GBP1: variants seen among roughly 807,000 people sequenced by gnomAD.
GBP1 encodes the protein guanylate-binding protein 1.
GBP1 carries 64 observed loss-of-function variants against 69.5 expected under a neutral mutation model. That is an observed-to-expected ratio of 0.92 (90% CI 0.75 to 1.13). The LOEUF (loss-of-function observed/expected upper bound fraction) is 1.13, where lower values mean the gene tolerates loss of function less well. Among genes scored for constraint, GBP1 ranks in the 50% most tolerant of loss-of-function variants. The pLI, the probability that GBP1 is intolerant of heterozygous loss-of-function variation, is 0.00. For synonymous variants in GBP1, 250 were observed against 261.2 expected, an observed-to-expected ratio of 0.96 and a Z score of 0.41; for missense variants, 630 against 704.1, an observed-to-expected ratio of 0.89 and a Z score of 1.19.
chr1:89,062,356 A>G (rs1680221860), intron 2 of GBP1, among the ~76,000 whole-genome samples: 2 of 152,350 alleles, frequency 1.3e-5, no homozygotes, highest in South Asian at 4.1e-4. Context: ...ATGCTAACAC[A>G]CTGATGAACC....
intron 6 of GBP1, 135 bp downstream of exon 6, chr1:89,057,857 A>C: frequency 2.0e-6 from 2 of 1,013,974 alleles, no homozygotes; most frequent in Non-Finnish European, 2.9e-6. Flanking sequence ...TATATGTTAG[A>C]AACATTGGTG....
chr1:89,054,576 G>A, intron 10 of GBP1, 106 bp downstream of exon 10: 1 of 1,008,018 alleles, frequency 9.9e-7, no homozygotes, highest in Admixed American at 2.1e-5. Context: ...AGCAAGCAGG[G>A]TCCTTACCCT....
chr1:89,053,182 C>CT lies in GBP1; in HGVS notation c.*172dup, dbSNP rs369775165. The CT allele has an allele frequency of 0.037, 15,365 of 419,132 alleles. 3 individuals are homozygous for CT. The highest frequency in any genetic ancestry group is 0.053 in the Middle Eastern group (82 of 1,542). The allele number at this position is 419,132 out of a possible 1,614,324, so 26.0% of individuals were successfully genotyped here. On this transcript the variant is annotated 3_prime_UTR_variant, in exon 11 of 11. Coordinates refer to ENST00000370473, the MANE Select transcript of GBP1 (RefSeq NM_002053.3). Reference sequence around the variant, plus strand: ...GCATCTTTGTTGCACAATTTACAGTCTTTTTTTTTTTTTAAGAAAAAACAT... The same window carrying CT: ...GCATCTTTGTTGCACAATTTACAGTCTTTTTTTTTTTTTTAAGAAAAAACAT...
In GBP1 at chr1:89,058,867, AG is replaced by A; in HGVS notation, c.604del (p.Leu202Ter). The A allele has an allele frequency of 6.2e-7, 1 of 1,614,210 alleles. No individual in the cohort carries two copies. The highest frequency in any genetic ancestry group is 8.5e-7 in the Non-Finnish European group (1 of 1,180,022). On this transcript the variant is annotated frameshift_variant, in exon 5 of 11. Transcript: ENST00000370473. LOFTEE classifies it high-confidence loss of function. ...TTTCTTCAGCTTCAGGGAGTATGTC[AG>A]GTACTCATCTGGTGTGAGGGGTTGT... ...DGQPLTPDEY[L>X]TYSLKLKKGT...
At chr1:89,057,886 A>G (rs1330663554) in intron 6 of GBP1, 106 bp downstream of exon 6, 11 of 1,213,234 alleles carry the variant, frequency 9.1e-6, no homozygotes, top group African/African-American at 1.5e-5. Context: ...AATTTAACAC[A>G]AATATAGCAG....
At position 89,058,596 on chromosome 1, in the gene GBP1, G is replaced by A. The variant is rs142536748; in HGVS notation, c.631+245C>T. 2.7e-4 allele frequency: 155 copies of A among 577,164 alleles called. No homozygotes were observed. The East Asian group carries it at 4.6e-3, about 17-fold the overall frequency. The allele number at this position is 577,164 out of a possible 1,614,324, so 35.8% of individuals were successfully genotyped here. ...GAAGATCACAAACCCTAGGCAGGGA[G>A]ATAAAATTAACCTAATCACAGCATA... On this transcript the variant is annotated intron_variant, in intron 5 of 10. Transcript: ENST00000370473.
chr1:89,064,289 A>C (rs1487637912), intron 1 of GBP1, among the ~76,000 whole-genome samples: 1 of 149,740 alleles, frequency 6.7e-6, no homozygotes, highest in Non-Finnish European at 1.5e-5. Context: ...CTGTCAGACC[A>C]GAGGTGATGA....
intron 6 of GBP1, 68 bp from the exon 7 acceptor site, chr1:89,057,202 G>C (rs1173111829): frequency 3.8e-6 from 6 of 1,589,836 alleles, no homozygotes; most frequent in Non-Finnish European, 5.2e-6. Flanking sequence ...GTAATTCTGA[G>C]CATGTCAAAT....
At chr1:89,062,442 G>C (rs532890916) in intron 2 of GBP1, among the ~76,000 whole-genome samples, 3 of 152,202 alleles carry the variant, frequency 2.0e-5, no homozygotes, top group Non-Finnish European at 4.4e-5. Flanking sequence ...TAAGGTTTCT[G>C]TAGTAGTCAA....
At chr1:89,062,147 C>T (rs1273101469) in intron 2 of GBP1, among the ~76,000 whole-genome samples, 1 of 152,168 alleles carries the variant, frequency 6.6e-6, no homozygotes, top group African/African-American at 2.4e-5. Context: ...CATGAGCCAG[C>T]AATTCCCCTT....
intron 7 of GBP1, 57 bp from the exon 8 acceptor site, chr1:89,056,285 C>T: frequency 6.2e-7 from 1 of 1,612,524 alleles, no homozygotes; most frequent in Non-Finnish European, 8.5e-7. Flanking sequence ...TTAGCTTGAC[C>T]TCAGAATTTT....
chr1:89,053,304 A>G lies in GBP1; in HGVS notation c.*51T>C, dbSNP rs774039770. On this transcript the variant is annotated 3_prime_UTR_variant, in exon 11 of 11. Coordinates refer to ENST00000370473, the MANE Select transcript of GBP1 (RefSeq NM_002053.3). ...TGTAGTGACGCTTGTTCCAAATTCT[A>G]AAATTGTTTCAATTATGCCTTGGTT... 1.7e-4 allele frequency: 243 copies of G among 1,442,552 alleles called. 8 individuals are homozygous for G. In the South Asian group the frequency reaches 1.7e-3, roughly 10 times the overall value. The allele number at this position is 1,442,552 out of a possible 1,614,324, so 89.4% of individuals were successfully genotyped here.
intron 5 of GBP1, 42 bp downstream of exon 5, chr1:89,058,799 G>C: frequency 6.3e-7 from 1 of 1,591,236 alleles, no homozygotes. Flanking sequence ...ATAATTTCTT[G>C]TGTTTTCTCA....
chr1:89,053,195 T>G lies in GBP1; in HGVS notation c.*160A>C, dbSNP rs918249866. 1.6e-5 allele frequency: 8 copies of G among 506,428 alleles called. No individual in the cohort carries two copies. The highest frequency in any genetic ancestry group is 2.4e-5 in the Non-Finnish European group (7 of 292,126). The allele number at this position is 506,428 out of a possible 1,614,324, so 31.4% of individuals were successfully genotyped here. A position where few individuals can be genotyped will look rare whatever the true frequency, so the allele number is the denominator to read the frequency against. On this transcript the variant is annotated 3_prime_UTR_variant, in exon 11 of 11. Transcript: ENST00000370473. ...ACAATTTACAGTCTTTTTTTTTTTT[T>G]AAGAAAAAACATGATTTTGATCATT...
Position 89,060,177 on chromosome 1 carries a change from A to G in GBP1, c.318+20T>C, listed in dbSNP as rs762412339. ...TCAGAGAGGAGGGGCTTACTCCACA[A>G]CTGGATCCTTGAGTCTCACCTTCTC... On this transcript the variant is annotated intron_variant, in intron 3 of 10. Transcript: ENST00000370473. 89 of 1,583,062 alleles carry G rather than the reference A, an allele frequency of 5.6e-5. No individual in the cohort carries two copies. Among genetic ancestry groups the G allele is most frequent in the Non-Finnish European group, 7.1e-5 (83 of 1,168,384 alleles).
rs1345912182 is a variant in GBP1, at chr1:89,055,144, C to A, written c.1440G>T (p.Gln480His). 1 of 1,611,624 alleles carries A rather than the reference C, an allele frequency of 6.2e-7. No homozygotes were observed. Residue 480 changes from glutamine to histidine, a missense_variant, in exon 9 of 11, where the codon CAG (glutamine) becomes CAT (histidine). Around this residue, in one of 5 missense-constraint regions of GBP1, gnomAD observed 35 missense variants for 68.6 expected, o/e 0.51. Transcript: ENST00000370473. ...TCTCCTTTTCTTTTTCTGTGAGAGT[C>A]TGGTCTGTCTGGAGAATTGCATCAG... ...SMTDAILQTD[Q>H]TLTEKEKEIE... is the part of the protein sequence containing the mutation.
chr1:89,057,969 G>A (rs1317862304), intron 6 of GBP1, 23 bp downstream of exon 6: 16 of 1,597,444 alleles, frequency 1.0e-5, no homozygotes, highest in Non-Finnish European at 1.4e-5. Flanking sequence ...ACAATGAGCA[G>A]AAGTACTAGG....
chr1:89,058,385 T>C (rs1328225), intron 5 of GBP1, 151 bp from the exon 6 acceptor site: 306,720 of 667,586 alleles, frequency 0.46, 73,118 homozygotes, highest in Non-Finnish European at 0.5. Context: ...CTTTAGACAA[T>C]ATGTAAATGA....
intron 2 of GBP1, among the ~76,000 whole-genome samples, chr1:89,061,487 A>G (rs766678792): frequency 7.9e-5 from 12 of 152,300 alleles, no homozygotes; most frequent in Non-Finnish European, 1.6e-4. Context: ...CTATTACCTT[A>G]TAACTTACAA....
Sources: allele counts gnomAD v4.1 joint callset (sites outside exome capture counted in the v4.1 genomes callset), GRCh38; gene constraint gnomAD v4.1.1; regional missense constraint gnomAD v4.1.1; transcripts MANE v1.5; gene names NCBI Gene and HGNC (gene_info 2026-07-23, HGNC 2026-07-21).